The following DDR1 variants were observed in gnomAD, a reference collection of about 807,000 sequenced individuals.
DDR1 encodes the protein epithelial discoidin domain-containing receptor 1.
In DDR1, 64 loss-of-function variants were observed where a neutral mutation model predicts 97.4. The observed-to-expected ratio is 0.66, with a 90% confidence interval of 0.54 to 0.81. DDR1 has a LOEUF of 0.81. Among genes scored for constraint, DDR1 ranks in the 30% least tolerant of loss-of-function variants. The pLI is 0.00. For missense variants in DDR1, 990 were observed against 1,259.6 expected, an observed-to-expected ratio of 0.79 and a Z score of 3.24; for synonymous variants, 458 against 503.7, an observed-to-expected ratio of 0.91 and a Z score of 1.21.
At chr6:30,896,938 A>C in intron 13 of DDR1, 73 bp downstream of exon 13, 1 of 1,571,550 alleles carries the variant, frequency 6.4e-7, no homozygotes, top group Non-Finnish European at 8.7e-7. Context: ...CCCCCTAGCC[A>C]GGAACCTTAG....
Position 30,898,108 on chromosome 6 carries a change from C to T in DDR1, c.2252C>T (p.Ala751Val). 6.2e-7 allele frequency: 1 copy of T among 1,614,256 alleles called. No individual in the cohort carries two copies. The highest frequency in any genetic ancestry group is 8.5e-7 in the Non-Finnish European group (1 of 1,180,040). Residue 751 changes from alanine (A) to valine (V), a missense_variant, in exon 16 of 18, where the codon GCC (alanine) becomes GTC (valine). Transcript: ENST00000376568. ...CTGCTGCATGTGGCAGCCCAGATCG[C>T]CTCCGGCATGCGCTATCTGGCCACA... ...PMLLHVAAQI[A>V]SGMRYLATLN...
Position 30,890,634 on chromosome 6 carries a change from A to C in DDR1, c.418-339A>C. 3.7e-6 allele frequency: 1 copy of C among 269,988 alleles called. No individual in the cohort carries two copies. Among genetic ancestry groups the C allele is most frequent in the Non-Finnish European group, 6.9e-6 (1 of 145,106 alleles). 16.7% of individuals were successfully genotyped at this position (269,988 alleles called of 1,614,324 possible). The stretch of plus-strand genomic sequence containing the variant: ...AGGGAATGGGCTGAAATGAAGGGGA[A>C]GCTGAGGCAGGGGTGCAGGGCTGTG... On this transcript the variant is annotated intron_variant, in intron 4 of 17. Coordinates refer to ENST00000376568, the MANE Select transcript of DDR1 (RefSeq NM_001297654.2). This position sits in a 1 kb window ranked among gnomAD's most constrained non-coding sequence, Gnocchi z 5.0.
chr6:30,885,341 C>A, intron 1 of DDR1: 2 of 1,345,252 alleles, frequency 1.5e-6, no homozygotes, highest in Non-Finnish European at 2.0e-6. Context: ...CTGGCTGTTG[C>A]TGAGGGCCTG....
Position 30,897,189 on chromosome 6 carries a change from G to T in DDR1, c.1997+48G>T. On this transcript the variant is annotated intron_variant, in intron 14 of 17. Transcript: ENST00000376568. The surrounding 1 kb of genome is among the most constrained non-coding windows in gnomAD (Gnocchi z 5.2). Reference sequence around the variant, plus strand: ...GGAAGAAGGGAGGGGAGGCCGTGAAGAGTGGGGAGCCATCTAGAGAGAACA... The same window carrying T: ...GGAAGAAGGGAGGGGAGGCCGTGAATAGTGGGGAGCCATCTAGAGAGAACA... 1 of 1,606,342 alleles carries T rather than the reference G, an allele frequency of 6.2e-7. No individual in the cohort carries two copies.
At position 30,897,958 on chromosome 6, in the gene DDR1, C is replaced by T. The variant is rs1791540888; in HGVS notation, c.2217-115C>T. ...TGACCCTTGGCCTCACGTGGGCATTCCACCTCCACATGGGGAGCCAGAGTG... is the reference window on the plus strand; with the variant it reads ...TGACCCTTGGCCTCACGTGGGCATTTCACCTCCACATGGGGAGCCAGAGTG... On this transcript the variant is annotated intron_variant, in intron 15 of 17. Coordinates refer to ENST00000376568, the MANE Select transcript of DDR1 (RefSeq NM_001297654.2). This position sits in a 1 kb window ranked among gnomAD's most constrained non-coding sequence, Gnocchi z 5.2. 2 of 773,614 alleles carry T rather than the reference C, an allele frequency of 2.6e-6. No individual in the cohort carries two copies. The highest frequency in any genetic ancestry group is 1.7e-5 in the African/African-American group (1 of 58,074). The allele number at this position is 773,614 out of a possible 1,614,324, so 47.9% of individuals were successfully genotyped here.
In DDR1 at chr6:30,894,751, T is replaced by C. The variant is rs1790056917; in HGVS notation, c.1513+80T>C. ...GTATCCCTTTCCCATTCTCTTTTTT[T>C]CCTGTCTTCCCCAGTTTCCACTTGT... On this transcript the variant is annotated intron_variant, in intron 11 of 17. Transcript: ENST00000376568. The surrounding 1 kb of genome is among the most constrained non-coding windows in gnomAD (Gnocchi z 5.7). 1 of 1,434,328 alleles carries C rather than the reference T, an allele frequency of 7.0e-7. No individual in the cohort carries two copies. The highest frequency in any genetic ancestry group is 9.3e-7 in the Non-Finnish European group (1 of 1,074,762). The allele number at this position is 1,434,328 out of a possible 1,614,324, so 88.9% of individuals were successfully genotyped here.
In DDR1 at chr6:30,890,987, T is replaced by TGAG; in HGVS notation, c.435_437dup (p.Glu145dup). The TGAG allele has an allele frequency of 6.2e-7, 1 of 1,603,600 alleles. No individual in the cohort carries two copies. Among genetic ancestry groups the TGAG allele is most frequent in the Non-Finnish European group, 8.5e-7 (1 of 1,174,970 alleles). On this transcript the variant is annotated inframe_insertion, in exon 5 of 18. Coordinates refer to ENST00000376568, the MANE Select transcript of DDR1 (RefSeq NM_001297654.2). This position sits in a 1 kb window ranked among gnomAD's most constrained non-coding sequence, Gnocchi z 5.0. ...CTGGCCCACAGGTGATCTCAGGCAA[T>TGAG]GAGGACCCTGAGGGAGTGGTGCTGA...
upstream of DDR1, among the ~76,000 whole-genome samples, chr6:30,882,365 A>G (rs1264328): frequency 0.43 from 66,043 of 152,008 alleles, 14,845 homozygotes; most frequent in East Asian, 0.68. This position sits in a 1 kb window ranked among gnomAD's most constrained non-coding sequence, Gnocchi z 4.8. Flanking sequence ...GGGGGTTCTC[A>G]GGGACACAGG....
In DDR1 at chr6:30,890,664, T is replaced by G; in HGVS notation, c.418-309T>G. On this transcript the variant is annotated intron_variant, in intron 4 of 17. Transcript: ENST00000376568. The surrounding 1 kb of genome is among the most constrained non-coding windows in gnomAD (Gnocchi z 5.0). Reference sequence around the variant, plus strand: ...AGGCAGGGGTGCAGGGCTGTGAGGATTGGGGAGAATCTGGGCACAATGGGA... The same window carrying G: ...AGGCAGGGGTGCAGGGCTGTGAGGAGTGGGGAGAATCTGGGCACAATGGGA... The G allele has an allele frequency of 1.1e-5, 4 of 349,052 alleles. No homozygotes were observed. The highest frequency in any genetic ancestry group is 4.6e-5 in the Admixed American group (1 of 21,722). 21.6% of individuals were successfully genotyped at this position (349,052 alleles called of 1,614,324 possible).
At position 30,886,649 on chromosome 6, in the gene DDR1, T is replaced by C. The variant is rs1223005869; in HGVS notation, c.-43+1939T>C. 1.3e-5 allele frequency: 2 copies of C among 152,234 alleles called. No individual in the cohort carries two copies. The highest frequency in any genetic ancestry group is 3.9e-4 in the East Asian group (2 of 5,192). 9.4% of individuals were successfully genotyped at this position (152,234 alleles called of 1,614,324 possible). ...GTCTCCAAGGCAACTCAGCCTTTCCTCAGTCCCTCAGAGGCAGCCACCTTC... is the reference window on the plus strand; with the variant it reads ...GTCTCCAAGGCAACTCAGCCTTTCCCCAGTCCCTCAGAGGCAGCCACCTTC... On this transcript the variant is annotated intron_variant, in intron 1 of 17. Coordinates refer to ENST00000376568, the MANE Select transcript of DDR1 (RefSeq NM_001297654.2). The surrounding 1 kb of genome is among the most constrained non-coding windows in gnomAD (Gnocchi z 4.6).
At chr6:30,887,988 G>T (rs1165324450) in intron 1 of DDR1, among the ~76,000 whole-genome samples, 1 of 152,130 alleles carries the variant, frequency 6.6e-6, no homozygotes. Context: ...AATAGACATT[G>T]CTAGATTGCT....
chr6:30,885,707 G>A, intron 1 of DDR1: 1 of 1,305,308 alleles, frequency 7.7e-7, no homozygotes, highest in South Asian at 1.2e-5. Flanking sequence ...GTATGCATGA[G>A]CTTCTGTGTT....
In DDR1 at chr6:30,898,253, G is replaced by A; in HGVS notation, c.2397G>A (p.Val799=). Residue 799 remains valine (V), a synonymous_variant, in exon 16 of 18, where the codon GTG becomes GTA. Transcript: ENST00000376568. ...RNLYAGDYYR[V]QGRAVLPIRW... Reference sequence around the variant, plus strand: ...TCTATGCTGGGGACTATTACCGTGTGCAGGGCCGGGCAGTGCTGCCCATCC... The same window carrying A: ...TCTATGCTGGGGACTATTACCGTGTACAGGGCCGGGCAGTGCTGCCCATCC... 1 of 1,614,228 alleles carries A rather than the reference G, an allele frequency of 6.2e-7. No individual in the cohort carries two copies. Among genetic ancestry groups the A allele is most frequent in the Non-Finnish European group, 8.5e-7 (1 of 1,180,046 alleles).
Position 30,891,919 on chromosome 6 carries a change from C to A in DDR1, c.666-83C>A. Reference sequence around the variant, plus strand: ...GAGCCAGGCTGGCCATGCCACTGTGCCGGAGGGTGGCGGAGCAGAATGCCT... The same window carrying A: ...GAGCCAGGCTGGCCATGCCACTGTGACGGAGGGTGGCGGAGCAGAATGCCT... On this transcript the variant is annotated intron_variant, in intron 6 of 17. Coordinates refer to ENST00000376568, the MANE Select transcript of DDR1 (RefSeq NM_001297654.2). The surrounding 1 kb of genome is among the most constrained non-coding windows in gnomAD (Gnocchi z 5.3). 6.7e-7 allele frequency: 1 copy of A among 1,493,490 alleles called. No homozygotes were observed. The highest frequency in any genetic ancestry group is 9.2e-7 in the Non-Finnish European group (1 of 1,082,412). The allele number at this position is 1,493,490 out of a possible 1,614,324, so 92.5% of individuals were successfully genotyped here.
chr6:30,891,367 C>T lies in DDR1; in HGVS notation c.566-13C>T. ...TTAGTGCCTCTGACCCCCATCCTCT[C>T]ACCCTGCCCCAGATGGACTCCTGTC... On this transcript the variant is annotated splice_polypyrimidine_tract_variant and intron_variant, in intron 5 of 17. Coordinates refer to ENST00000376568, the MANE Select transcript of DDR1 (RefSeq NM_001297654.2). The surrounding 1 kb of genome is among the most constrained non-coding windows in gnomAD (Gnocchi z 5.3). The T allele has an allele frequency of 6.2e-7, 1 of 1,605,994 alleles. No homozygotes were observed. Among genetic ancestry groups the T allele is most frequent in the Non-Finnish European group, 8.5e-7 (1 of 1,174,264 alleles).
chr6:30,899,890 T>C lies in DDR1; in HGVS notation c.*594T>C. 2.2e-6 allele frequency: 1 copy of C among 462,584 alleles called. No homozygotes were observed. Among genetic ancestry groups the C allele is most frequent in the Non-Finnish European group, 4.1e-6 (1 of 242,822 alleles). 28.7% of individuals were successfully genotyped at this position (462,584 alleles called of 1,614,324 possible). On this transcript the variant is annotated 3_prime_UTR_variant, in exon 18 of 18. Transcript: ENST00000376568. ...CCCTCAGTCACCCCCACTTCCCACTTGCAGTCTTGTAGCTAGAACTTCTCT... is the reference window on the plus strand; with the variant it reads ...CCCTCAGTCACCCCCACTTCCCACTCGCAGTCTTGTAGCTAGAACTTCTCT...
Position 30,899,393 on chromosome 6 carries a change from C to T in DDR1, c.*97C>T, listed in dbSNP as rs1792171084. On this transcript the variant is annotated 3_prime_UTR_variant, in exon 18 of 18. Transcript: ENST00000376568. The stretch of plus-strand genomic sequence containing the variant: ...CAATGGCACCTCTGCCCTTCCCCTC[C>T]CGACAGCCCATCACCTCTAATAGAG... The T allele has an allele frequency of 1.3e-5, 19 of 1,468,938 alleles. 1 individual carries two copies. The South Asian group carries it at 2.5e-4, about 20-fold the overall frequency. 91.0% of individuals were successfully genotyped at this position (1,468,938 alleles called of 1,614,324 possible). A position where few individuals can be genotyped will look rare whatever the true frequency, so the allele number is the denominator to read the frequency against.
Position 30,894,015 on chromosome 6 carries a change from C to T in DDR1, c.1348-491C>T, listed in dbSNP as rs905923697. On this transcript the variant is annotated intron_variant, in intron 10 of 17. Transcript: ENST00000376568. This position sits in a 1 kb window ranked among gnomAD's most constrained non-coding sequence, Gnocchi z 5.7. ...CTGTAATCCTAGCACTTTGGGAGGC[C>T]GAGGCGGGAGGATCACCTGAGGTCA... Among the ~76,000 whole-genome samples, 2 of 152,006 alleles carry T rather than the reference C, an allele frequency of 1.3e-5. No homozygotes were observed. Among genetic ancestry groups the T allele is most frequent in the Non-Finnish European group, 2.9e-5 (2 of 67,996 alleles).
At position 30,892,080 on chromosome 6, in the gene DDR1, G is replaced by A; in HGVS notation, c.744G>A (p.Arg248=). The change falls in exon 7 of 18, where the codon CGG becomes CGA. Residue 248 remains arginine, a synonymous_variant. Coordinates refer to ENST00000376568, the MANE Select transcript of DDR1 (RefSeq NM_001297654.2). The part of the protein sequence containing the change: ...LDDFRKSQEL[R]VWPGYDYVGW... ...ACTTTAGGAAGAGTCAGGAGCTGCGGGTCTGGCCAGGCTATGACTATGTGG... is the reference window on the plus strand; with the variant it reads ...ACTTTAGGAAGAGTCAGGAGCTGCGAGTCTGGCCAGGCTATGACTATGTGG... The A allele has an allele frequency of 1.2e-6, 2 of 1,614,202 alleles. No individual in the cohort carries two copies. Among genetic ancestry groups the A allele is most frequent in the Non-Finnish European group, 1.7e-6 (2 of 1,180,014 alleles).
Sources: gnomAD v4.1 joint callset for allele counts (sites outside exome capture counted in the v4.1 genomes callset) on GRCh38, gnomAD v4.1.1 for gene constraint, Gnocchi (gnomAD v3.1) non-coding constraint, MANE v1.5 for transcripts, NCBI Gene and HGNC (gene_info 2026-07-23, HGNC 2026-07-21) for gene names.